Variants in ATP7A observed in about 807,000 individuals in gnomAD.
ATP7A encodes ATPase copper transporting alpha.
A neutral mutation model predicts 83.5 loss-of-function variants in ATP7A; 7 were observed. That is an observed-to-expected ratio of 0.08 (90% confidence interval 0.05 to 0.16). The LOEUF is 0.16. Ranked by LOEUF, ATP7A falls within the 10% of genes least tolerant of loss-of-function variation. The pLI, the probability that ATP7A is intolerant of heterozygous loss-of-function variation, is 1.00. For missense variants in ATP7A, 940 were observed against 1,120.8 expected (o/e 0.84, Z 2.30); for synonymous variants, 354 against 395.2 (o/e 0.90, Z 1.24).
intron 2 of ATP7A, among the ~76,000 whole-genome samples, chrX:77,985,003 T>G (rs1479857407): frequency 8.9e-6 from 1 of 111,865 alleles, no homozygotes; most frequent in African/African-American, 3.2e-5. Flanking sequence ...TTAGAAAGTA[T>G]AGCAAACCAT....
At chrX:77,965,779 G>A (rs2077501634) in intron 1 of ATP7A, among the ~76,000 whole-genome samples, 1 of 112,142 alleles carries the variant, frequency 8.9e-6, no homozygotes, top group African/African-American at 3.2e-5. Context: ...AAATTATGGT[G>A]TATCTATGCA....
chrX:78,009,764 C>A (rs1203129578), intron 7 of ATP7A, among the ~76,000 whole-genome samples: 2 of 112,057 alleles, frequency 1.8e-5, no homozygotes, highest in Non-Finnish European at 3.8e-5. Context: ...TCAAGACCAT[C>A]CTGGGCAATG....
intron 5 of ATP7A, among the ~76,000 whole-genome samples, chrX:78,002,244 ATTTTTTTT>A (rs781804302): frequency 1.2e-5 from 1 of 81,440 alleles, no homozygotes; most frequent in Non-Finnish European, 2.5e-5. Context: ...TAATTTTTGT[ATTTTTTTT>A]TTTTTTTTTT....
Position 78,046,377 on chromosome X carries a change from A to G in ATP7A, c.4310A>G (p.His1437Arg), listed in dbSNP as rs1557239111. 2 of 1,211,313 alleles carry G rather than the reference A, an allele frequency of 1.7e-6. No homozygotes were observed. Among genetic ancestry groups the G allele is most frequent in the Non-Finnish European group, 2.2e-6 (2 of 894,992 alleles). ...AAGAGTCCTTCAGAAATCAGCGTTC[A>G]TGTTGGAATAGATGATACCTCAAGG... ...GQKSPSEISV[H>R]VGIDDTSRNS... Residue 1437 changes from histidine (H) to arginine (R), a missense_variant, in exon 23 of 23, where the codon CAT (histidine) becomes CGT (arginine). Physicochemically the swap from His to Arg is conservative, Grantham distance 29. Coordinates refer to ENST00000341514, the MANE Select transcript of ATP7A (RefSeq NM_000052.7).
intron 1 of ATP7A, among the ~76,000 whole-genome samples, chrX:77,916,544 G>T (rs2077186835): frequency 9.1e-6 from 1 of 110,132 alleles, no homozygotes; most frequent in African/African-American, 3.3e-5. Context: ...ATAACAATCT[G>T]CTTCTGTAAT....
intron 1 of ATP7A, among the ~76,000 whole-genome samples, chrX:77,957,957 T>C (rs2077454274): frequency 9.0e-6 from 1 of 111,248 alleles, no homozygotes. Context: ...TGATTCCCAG[T>C]GTTGGAGGTG....
chrX:77,965,168 T>A (rs1557228549), intron 1 of ATP7A, among the ~76,000 whole-genome samples: 1 of 111,436 alleles, frequency 9.0e-6, no homozygotes, highest in Non-Finnish European at 1.9e-5. Flanking sequence ...ATTGCAATTT[T>A]AAAAATGTAC....
In ATP7A at chrX:77,915,113, G is replaced by T. The variant is rs782782983; in HGVS notation, c.-22+4278G>T. Among the ~76,000 whole-genome samples the T allele has an allele frequency of 2.0e-4, 22 of 111,549 alleles. No homozygotes were observed. The East Asian group carries it at 2.5e-3, about 13-fold the overall frequency. On this transcript the variant is annotated intron_variant, in intron 1 of 22. Transcript: ENST00000341514. ...GCGGATTGCTTGAGCCCAGGCGTTC[G>T]AGACCAGCCTGGGCAACATAGGGAA...
At position 78,046,595 on chromosome X, in the gene ATP7A, T is replaced by G; in HGVS notation, c.*25T>G. 2.5e-6 allele frequency: 3 copies of G among 1,208,569 alleles called. No individual in the cohort carries two copies. Among genetic ancestry groups the G allele is most frequent in the Non-Finnish European group, 3.4e-6 (3 of 892,956 alleles). ...AAAGGCCATGGAGAGTGCTGCCAGT[T>G]TAACTTGTCATGCACTGACACAGCA... On this transcript the variant is annotated 3_prime_UTR_variant, in exon 23 of 23. Transcript: ENST00000341514.
At chrX:77,950,741 C>T (rs1369313746) in intron 1 of ATP7A, among the ~76,000 whole-genome samples, 1 of 110,773 alleles carries the variant, frequency 9.0e-6, no homozygotes, top group Non-Finnish European at 1.9e-5. Flanking sequence ...AAAAAAATGT[C>T]GTCCAGGCGC....
chrX:78,027,620 C>T (rs1174998002), intron 14 of ATP7A, among the ~76,000 whole-genome samples: 1 of 112,134 alleles, frequency 8.9e-6, no homozygotes, highest in Non-Finnish European at 1.9e-5. Context: ...GGAAAAAGAA[C>T]CTAAATAGCC....
At chrX:78,006,618 T>C (rs1224010774) in intron 6 of ATP7A, among the ~76,000 whole-genome samples, 1 of 112,114 alleles carries the variant, frequency 8.9e-6, no homozygotes, top group African/African-American at 3.2e-5. Flanking sequence ...TAAAACTCAT[T>C]AGTAGTCATT....
chrX:78,012,735 G>A (rs782648330), intron 9 of ATP7A, 144 bp from the exon 10 acceptor site: 19 of 521,085 alleles, frequency 3.6e-5, no homozygotes, highest in Non-Finnish European at 6.3e-5. Flanking sequence ...ATACAAACAC[G>A]ATTGTTTTGG....
chrX:77,968,711 G>A (rs1315764881), intron 1 of ATP7A, among the ~76,000 whole-genome samples: 1 of 112,009 alleles, frequency 8.9e-6, no homozygotes, highest in African/African-American at 3.2e-5. Context: ...GGGTGCAGGC[G>A]ACAAAATGGC....
At chrX:78,029,865 C>T (rs2077971708) in intron 15 of ATP7A, among the ~76,000 whole-genome samples, 1 of 111,745 alleles carries the variant, frequency 8.9e-6, no homozygotes. Flanking sequence ...CTGCCACCAG[C>T]CGACAGTTTG....
At chrX:77,937,737 T>C (rs2077327813) in intron 1 of ATP7A, among the ~76,000 whole-genome samples, 1 of 111,575 alleles carries the variant, frequency 9.0e-6, no homozygotes, top group Admixed American at 9.7e-5. Context: ...AATCATTCCA[T>C]TTATATAAAA....
rs782196306 is a variant in ATP7A at position 77,989,652 on chromosome X, A to G, written c.1030A>G (p.Arg344Gly). 61 of 1,209,770 alleles carry G rather than the reference A, an allele frequency of 5.0e-5. No individual in the cohort carries two copies. The East Asian group carries it at 1.8e-3, about 35-fold the overall frequency. The change falls in exon 4 of 23, where the codon AGA becomes GGA. Residue 344 changes from arginine (R) to glycine (G), a missense_variant. Physicochemically the swap from Arg to Gly is moderately radical, Grantham distance 125. Coordinates refer to ENST00000341514, the MANE Select transcript of ATP7A (RefSeq NM_000052.7). ...AGAGGCTGTATCACCGGGGCTATAT[A>G]GAGTTAGTATCACAAGTGAAGTTGA... ...AIEAVSPGLY[R>G]VSITSEVEST...
chrX:78,043,542 A>G, intron 21 of ATP7A, 108 bp downstream of exon 21: 1 of 608,998 alleles, frequency 1.6e-6, no homozygotes, highest in Non-Finnish European at 2.8e-6. Flanking sequence ...TTTTGTTTGT[A>G]GCCTACTGGT....
intron 1 of ATP7A, among the ~76,000 whole-genome samples, chrX:77,914,256 A>G (rs781903964): frequency 4.5e-5 from 5 of 110,214 alleles, no homozygotes; most frequent in South Asian, 7.5e-4. Context: ...TTTTTAAATA[A>G]TATTATTTTT....
Sources: gnomAD v4.1 joint callset for allele counts (sites outside exome capture counted in the v4.1 genomes callset) on GRCh38, gnomAD v4.1.1 for gene constraint, MANE v1.5 for transcripts, NCBI Gene and HGNC (gene_info 2026-07-23, HGNC 2026-07-21) for gene names.